WDR73: variants seen among roughly 807,000 people sequenced by gnomAD.
WDR73 encodes integrator complex assembly factor WDR73.
A neutral mutation model predicts 38.2 loss-of-function variants in WDR73; 30 were observed. The observed-to-expected ratio is 0.79, with a 90% CI of 0.59 to 1.06. WDR73 has a LOEUF of 1.06. Ranked by LOEUF, WDR73 falls within the 50% of genes least tolerant of loss-of-function variation. The probability of loss-of-function intolerance (pLI) is 0.00; values close to 1 mark genes in which losing one functional copy is unlikely to be tolerated. For synonymous variants in WDR73, 197 were observed against 176.0 expected (o/e 1.12, Z -0.94); for missense variants, 487 against 467.0 (o/e 1.04, Z -0.40).
rs561320847 is a variant in WDR73, at chr15:84,646,165, G to T, written c.517+19C>A. 9.3e-6 allele frequency: 15 copies of T among 1,613,226 alleles called. No homozygotes were observed. In the South Asian group the frequency reaches 1.4e-4, roughly 15 times the overall value. On this transcript the variant is annotated intron_variant, in intron 6 of 7. Transcript: ENST00000434634. Reference sequence around the variant, plus strand: ...GATGCCGGCTGGAGCAGCAAGCAAGGGACAAAGTACCACGGTACCTGAGGT... The same window carrying T: ...GATGCCGGCTGGAGCAGCAAGCAAGTGACAAAGTACCACGGTACCTGAGGT...
intron 3 of WDR73, among the ~76,000 whole-genome samples, chr15:84,652,361 CT>C (rs1896651723): frequency 6.6e-6 from 1 of 152,136 alleles, no homozygotes; most frequent in Non-Finnish European, 1.5e-5. Flanking sequence ...AATGTGTTCC[CT>C]GAGGTTCCGT....
intron 2 of WDR73, 111 bp from the exon 3 acceptor site, chr15:84,652,913 T>C: frequency 1.6e-6 from 1 of 609,396 alleles, no homozygotes; most frequent in Admixed American, 3.5e-5. Flanking sequence ...TATGGAGGAA[T>C]TGAGTACCTG....
Position 84,648,306 on chromosome 15 carries a change from G to A in WDR73, c.287+231C>T, listed in dbSNP as rs535169844. The A allele has an allele frequency of 1.1e-4, 65 of 586,768 alleles. 1 individual carries two copies. In the South Asian group the frequency reaches 1.2e-3, roughly 11 times the overall value. 36.3% of individuals were successfully genotyped at this position (586,768 alleles called of 1,614,324 possible). A position where few individuals can be genotyped will look rare whatever the true frequency, so the allele number is the denominator to read the frequency against. On this transcript the variant is annotated intron_variant, in intron 4 of 7. Transcript: ENST00000434634. ...CGTATCTATTCCCTGGAGCAACTCCGGTAGAACTGTTACTTACATTAGTCC... is the reference window on the plus strand; with the variant it reads ...CGTATCTATTCCCTGGAGCAACTCCAGTAGAACTGTTACTTACATTAGTCC...
chr15:84,652,722 C>T lies in WDR73; in HGVS notation c.190G>A (p.Glu64Lys). 1 of 1,504,106 alleles carries T rather than the reference C, an allele frequency of 6.6e-7. No homozygotes were observed. Among genetic ancestry groups the T allele is most frequent in the South Asian group, 1.3e-5 (1 of 77,464 alleles). 93.2% of individuals were successfully genotyped at this position (1,504,106 alleles called of 1,614,324 possible). A position where few individuals can be genotyped will look rare whatever the true frequency, so the allele number is the denominator to read the frequency against. Reference sequence around the variant, plus strand: ...TTTATATTTTAAGTTACCTTGTTTTCCTTTACAGAAAGTCTGAGAGGTAAT... The same window carrying T: ...TTTATATTTTAAGTTACCTTGTTTTTCTTTACAGAAAGTCTGAGAGGTAAT... Reference protein sequence around the residue: ...LKLPLRLSVKENKGLFPERDF... With the variant: ...LKLPLRLSVKKNKGLFPERDF... Residue 64 changes from glutamate to lysine, a missense_variant, in exon 3 of 8, where the codon GAA becomes AAA. Transcript: ENST00000434634.
Position 84,650,744 on chromosome 15 carries a change from G to A in WDR73, c.198+1970C>T, listed in dbSNP as rs571368112. Among the ~76,000 whole-genome samples the A allele has an allele frequency of 9.8e-5, 15 of 152,302 alleles. No individual in the cohort carries two copies. The East Asian group carries it at 2.3e-3, about 24-fold the overall frequency. ...TTCTGGCCTCTAGTGATCTGCCCAC[G>A]TTGGTCTCCCGCTCCCAAGGTGCTG... is the stretch of plus-strand genomic sequence containing the variant. On this transcript the variant is annotated intron_variant, in intron 3 of 7. Transcript: ENST00000434634.
At chr15:84,651,676 G>A (rs1896629255) in intron 3 of WDR73, among the ~76,000 whole-genome samples, 1 of 152,108 alleles carries the variant, frequency 6.6e-6, no homozygotes, top group Non-Finnish European at 1.5e-5. Context: ...AAGCCTCTGT[G>A]TTTAGGAAAC....
intron 3 of WDR73, among the ~76,000 whole-genome samples, chr15:84,650,905 T>C (rs1207524170): frequency 6.6e-6 from 1 of 151,970 alleles, no homozygotes; most frequent in East Asian, 1.9e-4. Flanking sequence ...GGAGGATTGC[T>C]TGAGCTCAGG....
chr15:84,645,098 C>G (rs1596049729), intron 7 of WDR73: 2 of 764,242 alleles, frequency 2.6e-6, no homozygotes, highest in African/African-American at 3.6e-5. Flanking sequence ...CTACAGGCGC[C>G]TGCCACCATG....
intron 1 of WDR73, chr15:84,654,030 A>T (rs1896710744): frequency 1.5e-6 from 1 of 669,462 alleles, no homozygotes; most frequent in African/African-American, 1.8e-5. Context: ...TCTTACTAGT[A>T]ATCTCACAAC....
chr15:84,643,815 C>T lies in WDR73; in HGVS notation c.884-92G>A, dbSNP rs575525501. Reference sequence around the variant, plus strand: ...TATTTTTAATAGAGATGGGGTTTCACCATGTTGACCAGGATGGTCTTGAAC... The same window carrying T: ...TATTTTTAATAGAGATGGGGTTTCATCATGTTGACCAGGATGGTCTTGAAC... On this transcript the variant is annotated intron_variant, in intron 7 of 7. Coordinates refer to ENST00000434634, the MANE Select transcript of WDR73 (RefSeq NM_032856.5). The T allele has an allele frequency of 5.0e-6, 7 of 1,391,140 alleles. No homozygotes were observed. In the South Asian group the frequency reaches 1.1e-4, roughly 22 times the overall value. The allele number at this position is 1,391,140 out of a possible 1,614,324, so 86.2% of individuals were successfully genotyped here. A position where few individuals can be genotyped will look rare whatever the true frequency, so the allele number is the denominator to read the frequency against.
At chr15:84,645,088 C>G in intron 7 of WDR73, 1 of 634,006 alleles carries the variant, frequency 1.6e-6, no homozygotes, top group South Asian at 3.4e-5. Flanking sequence ...GTAGCTGGGA[C>G]TACAGGCGCC....
rs2271432 is a variant in WDR73, at chr15:84,645,763, T to A, written c.591A>T (p.Ser197=). The change falls in exon 7 of 8, where the codon TCA becomes TCT. Residue 197 remains serine (S), a synonymous_variant. Coordinates refer to ENST00000434634, the MANE Select transcript of WDR73 (RefSeq NM_032856.5). ...DADTFAFCCA[S]GRLGLVDTRQ... is the part of the protein sequence containing the mutation. ...GGGTGTCAACAAGCCCCAGCCGGCC[T>A]GAAGCACAGCAGAAGGCAAAGGTGT... The A allele has an allele frequency of 2.5e-6, 4 of 1,612,230 alleles. No homozygotes were observed. Among genetic ancestry groups the A allele is most frequent in the South Asian group, 2.2e-5 (2 of 90,842 alleles).
intron 3 of WDR73, among the ~76,000 whole-genome samples, chr15:84,651,073 C>G (rs1896608524): frequency 6.6e-6 from 1 of 151,406 alleles, no homozygotes; most frequent in Non-Finnish European, 1.5e-5. Flanking sequence ...TGAGATCGCG[C>G]CACTGCACTC....
chr15:84,644,802 C>G (rs1343666463), intron 7 of WDR73: 1 of 151,610 alleles, frequency 6.6e-6, no homozygotes, highest in Admixed American at 6.6e-5. Flanking sequence ...TGGTCTCGAT[C>G]TCCTGACCTT....
At chr15:84,652,626 G>C (rs1371141553) in intron 3 of WDR73, 88 bp downstream of exon 3, 1 of 798,376 alleles carries the variant, frequency 1.3e-6, no homozygotes, top group East Asian at 2.8e-5. Flanking sequence ...CTAGTATCCA[G>C]GACAATACCT....
Position 84,643,669 on chromosome 15 carries a change from C to T in WDR73, c.938G>A (p.Ser313Asn), listed in dbSNP as rs765686507. ...TACTTGGCTCCGTGTTCCATCTTGG[C>T]TCCGTGTTCCATCCCAAGATGTGGC... is the stretch of plus-strand genomic sequence containing the variant. ...YDATSWDGTR[S>N]QDGTRSQVEP... The change falls in exon 8 of 8, where the codon AGC (serine) becomes AAC (asparagine). Residue 313 changes from serine (S) to asparagine (N), a missense_variant. By Grantham distance (46) the Ser-to-Asn change is conservative. Transcript: ENST00000434634. 1 of 1,296,718 alleles carries T rather than the reference C, an allele frequency of 7.7e-7. No homozygotes were observed. The highest frequency in any genetic ancestry group is 1.3e-5 in the South Asian group (1 of 76,016). 80.3% of individuals were successfully genotyped at this position (1,296,718 alleles called of 1,614,324 possible).
intron 5 of WDR73, 63 bp downstream of exon 5, chr15:84,647,827 G>C: frequency 6.6e-7 from 1 of 1,505,786 alleles, no homozygotes; most frequent in Non-Finnish European, 9.2e-7. Context: ...CAGATTAGGG[G>C]ACAGGGGTGT....
chr15:84,653,640 T>C lies in WDR73; in HGVS notation c.101A>G (p.Asp34Gly), dbSNP rs1567025889. Residue 34 changes from aspartate (D) to glycine (G), a missense_variant, in exon 2 of 8, where the codon GAT becomes GGT. Asp to Gly is a moderately conservative substitution (Grantham distance 94). Coordinates refer to ENST00000434634, the MANE Select transcript of WDR73 (RefSeq NM_032856.5). ...SGATRVLEWI[D>G]DKGVFVAGYE... ...CTAGAAAGGTATACCACCTTTGTCA[T>C]CAATCCATTCAAGGACTCGAGTGGC... is the stretch of plus-strand genomic sequence containing the variant. The C allele has an allele frequency of 1.3e-6, 2 of 1,590,568 alleles. No individual in the cohort carries two copies. The highest frequency in any genetic ancestry group is 2.3e-5 in the East Asian group (1 of 44,082).
chr15:84,643,047 C>T lies in WDR73; in HGVS notation c.*423G>A, dbSNP rs2061164337. On this transcript the variant is annotated 3_prime_UTR_variant, in exon 8 of 8. Coordinates refer to ENST00000434634, the MANE Select transcript of WDR73 (RefSeq NM_032856.5). ...AGACCCACTCAAGAGGAGCAGAAAT[C>T]CTGTTTTGCTATTTCCTTAATTGCT... 5.8e-6 allele frequency: 1 copy of T among 172,964 alleles called. No individual in the cohort carries two copies. Among genetic ancestry groups the T allele is most frequent in the African/African-American group, 2.4e-5 (1 of 41,616 alleles). The allele number at this position is 172,964 out of a possible 1,614,324, so 10.7% of individuals were successfully genotyped here.
Sources: allele counts gnomAD v4.1 joint callset (sites outside exome capture counted in the v4.1 genomes callset), GRCh38; gene constraint gnomAD v4.1.1; transcripts MANE v1.5; gene names NCBI Gene and HGNC (gene_info 2026-07-23, HGNC 2026-07-21).